SEC31B: variants seen among roughly 807,000 people sequenced by gnomAD.
SEC31B encodes protein transport protein Sec31B.
In SEC31B, 113 loss-of-function variants were observed where a neutral mutation model predicts 135.0. The ratio of observed to expected loss-of-function variants is 0.84; its 90% CI spans 0.72 to 0.98. SEC31B has a LOEUF of 0.98. Ranked by LOEUF, SEC31B falls within the 50% of genes least tolerant of loss-of-function variation. The pLI is 0.00. For missense variants in SEC31B, 1,296 were observed against 1,421.1 expected, an observed-to-expected ratio of 0.91 and a Z score of 1.42; for synonymous variants, 508 against 549.4, an observed-to-expected ratio of 0.92 and a Z score of 1.05.
At chr10:100,510,996 T>C (rs796730104) in intron 3 of SEC31B, among the ~76,000 whole-genome samples, 1 of 152,108 alleles carries the variant, frequency 6.6e-6, no homozygotes, top group South Asian at 2.1e-4. Context: ...GCGGAGGGTA[T>C]GTGCAGTGAA....
intron 19 of SEC31B, among the ~76,000 whole-genome samples, chr10:100,491,828 C>T (rs1375744585): frequency 3.3e-5 from 5 of 152,214 alleles, no homozygotes; most frequent in African/African-American, 1.2e-4. Flanking sequence ...GAGGGCTCTG[C>T]CCTCATTAAT....
At chr10:100,497,868 C>T in intron 15 of SEC31B, 75 bp from the exon 16 acceptor site, 1 of 1,610,742 alleles carries the variant, frequency 6.2e-7, no homozygotes, top group Non-Finnish European at 8.5e-7. Context: ...GCACAGGCCT[C>T]CTGTTAGAGC....
intron 19 of SEC31B, 56 bp from the exon 20 acceptor site, chr10:100,490,939 G>T: frequency 1.6e-6 from 2 of 1,233,058 alleles, no homozygotes; most frequent in Middle Eastern, 2.4e-4. Flanking sequence ...GTAAATAATA[G>T]AAAACAGAAA....
chr10:100,490,458 C>T, intron 20 of SEC31B, 136 bp from the exon 21 acceptor site: 1 of 1,040,132 alleles, frequency 9.6e-7, no homozygotes, highest in Non-Finnish European at 1.4e-6. Flanking sequence ...CTATAATTTA[C>T]AAAATACTTT....
At chr10:100,505,926 C>T in intron 9 of SEC31B, 114 bp downstream of exon 9, 1 of 1,552,074 alleles carries the variant, frequency 6.4e-7, no homozygotes, top group East Asian at 2.3e-5. Context: ...CCCTCCCAAA[C>T]CCCGGGCCCT....
In SEC31B at chr10:100,487,801, G is replaced by T; in HGVS notation, c.3361-6C>A. ...GCCACGACATGAGGTGAGAGCTGTG[G>T]AGGGAATGACCCTTAGGTTAGTGAG... On this transcript the variant is annotated splice_region_variant and splice_polypyrimidine_tract_variant and intron_variant, in intron 25 of 25. Transcript: ENST00000370345. The T allele has an allele frequency of 6.2e-7, 1 of 1,613,826 alleles. No homozygotes were observed. Among genetic ancestry groups the T allele is most frequent in the South Asian group, 1.1e-5 (1 of 91,008 alleles).
chr10:100,507,852 C>T, intron 6 of SEC31B, 56 bp downstream of exon 6: 3 of 1,611,258 alleles, frequency 1.9e-6, no homozygotes. Flanking sequence ...GCTCTAACTG[C>T]TAGGCAGGAG....
At position 100,487,603 on chromosome 10, in the gene SEC31B, G is replaced by C. The variant is rs771881849; in HGVS notation, c.*13C>G. 12 of 1,608,088 alleles carry C rather than the reference G, an allele frequency of 7.5e-6. No homozygotes were observed. Among genetic ancestry groups the C allele is most frequent in the Non-Finnish European group, 1.0e-5 (12 of 1,176,606 alleles). ...CAGCAGAAGTGGCCTCCTAGCAAGA[G>C]AGGCTGCCTGGTTTAGACCAGCAGC... On this transcript the variant is annotated 3_prime_UTR_variant, in exon 26 of 26. Coordinates refer to ENST00000370345, the MANE Select transcript of SEC31B (RefSeq NM_015490.4).
chr10:100,513,923 G>A (rs1400568966), intron 3 of SEC31B, among the ~76,000 whole-genome samples: 2 of 151,892 alleles, frequency 1.3e-5, no homozygotes, highest in South Asian at 2.1e-4. Flanking sequence ...AGTAGCTCAC[G>A]CCTATAATCC....
Position 100,495,473 on chromosome 10 carries a change from G to C in SEC31B, c.2384C>G (p.Pro795Arg), listed in dbSNP as rs763492551. 2 of 1,613,940 alleles carry C rather than the reference G, an allele frequency of 1.2e-6. No individual in the cohort carries two copies. The highest frequency in any genetic ancestry group is 1.1e-5 in the South Asian group (1 of 91,048). ...GSAVLGQQSPPFPFPRIVVGA... is the reference protein window; with the variant it reads ...GSAVLGQQSPRFPFPRIVVGA... ...CACAACAATCCGGGGGAAGGGGAAA[G>C]GGGGAGACTGTTGGCCCAAGACAGC... The change falls in exon 19 of 26, where the codon CCT (proline) becomes CGT (arginine). Residue 795 changes from proline to arginine, a missense_variant. Pro to Arg is a moderately radical substitution (Grantham distance 103). Transcript: ENST00000370345.
Position 100,490,312 on chromosome 10 carries a change from C to G in SEC31B, c.2661G>C (p.Gln887His). ...LSPGVRPASS[Q>H]PQLLGGQRVQ... The stretch of plus-strand genomic sequence containing the variant: ...CCCTTTGCCCTCCTAATAGCTGTGG[C>G]TGAGATGAAGCTGAAGCAGAACAGA... Residue 887 changes from glutamine (Q) to histidine (H), a missense_variant, in exon 21 of 26, where the codon CAG becomes CAC. Physicochemically the swap from Gln to His is conservative, Grantham distance 24 (BLOSUM62 0). Transcript: ENST00000370345. 1 of 1,612,780 alleles carries G rather than the reference C, an allele frequency of 6.2e-7. No homozygotes were observed. Among genetic ancestry groups the G allele is most frequent in the Non-Finnish European group, 8.5e-7 (1 of 1,179,390 alleles).
intron 20 of SEC31B, 50 bp from the exon 21 acceptor site, chr10:100,490,372 G>T: frequency 1.3e-6 from 2 of 1,538,534 alleles, no homozygotes; most frequent in South Asian, 1.2e-5. Flanking sequence ...CATTTCAGGA[G>T]CAACTCAGAG....
At chr10:100,517,948 C>T (rs1851880415) in intron 1 of SEC31B, among the ~76,000 whole-genome samples, 1 of 152,194 alleles carries the variant, frequency 6.6e-6, no homozygotes, top group South Asian at 2.1e-4. Flanking sequence ...GTCTACTTTT[C>T]TCTATTTTCG....
intron 24 of SEC31B, 136 bp from the exon 25 acceptor site, chr10:100,488,234 T>C (rs1334293435): frequency 1.3e-5 from 9 of 712,462 alleles, no homozygotes; most frequent in Admixed American, 6.5e-5. Flanking sequence ...CCAAGGCGGG[T>C]GGATCATGAG....
chr10:100,502,566 T>C, intron 10 of SEC31B, 82 bp from the exon 11 acceptor site: 1 of 840,134 alleles, frequency 1.2e-6, no homozygotes, highest in Non-Finnish European at 1.9e-6. Flanking sequence ...GAGAAGGCTA[T>C]CTAATGGCTG....
intron 17 of SEC31B, 49 bp downstream of exon 17, chr10:100,497,086 T>G: frequency 6.3e-7 from 1 of 1,597,344 alleles, no homozygotes; most frequent in Non-Finnish European, 8.6e-7. Flanking sequence ...ACCACTAGCC[T>G]CCTAAGGGCC....
intron 10 of SEC31B, among the ~76,000 whole-genome samples, chr10:100,503,955 G>T (rs1035413216): frequency 1.4e-5 from 2 of 146,776 alleles, no homozygotes; most frequent in African/African-American, 5.1e-5. Context: ...CTTATTTACC[G>T]TGACTTCTGC....
At chr10:100,492,067 G>A (rs1851310649) in intron 19 of SEC31B, among the ~76,000 whole-genome samples, 1 of 152,118 alleles carries the variant, frequency 6.6e-6, no homozygotes, top group Non-Finnish European at 1.5e-5. Flanking sequence ...CTGTTATAGT[G>A]GCACAAAATG....
chr10:100,498,932 G>A, intron 13 of SEC31B, 128 bp from the exon 14 acceptor site: 3 of 740,134 alleles, frequency 4.1e-6, no homozygotes, highest in Non-Finnish European at 2.2e-6. Context: ...AGCCAGGTAA[G>A]GTTTGGGGAG....
Sources: allele counts gnomAD v4.1 joint callset (sites outside exome capture counted in the v4.1 genomes callset), GRCh38; gene constraint gnomAD v4.1.1; transcripts MANE v1.5; gene names NCBI Gene and HGNC (gene_info 2026-07-23, HGNC 2026-07-21).